ACAN: variants seen among roughly 807,000 people sequenced by gnomAD.
The protein encoded by ACAN is aggrecan core protein.
A neutral mutation model predicts 169.1 loss-of-function variants in ACAN; 47 were observed. That is an observed-to-expected ratio of 0.28 (90% CI 0.22 to 0.35). The LOEUF (loss-of-function observed/expected upper bound fraction) is 0.35, where lower values mean the gene tolerates loss of function less well. ACAN is among the 10% of genes least tolerant of loss of function. The pLI is 1.00. For missense variants in ACAN, 2,716 were observed against 2,759.9 expected (o/e 0.98, Z 0.36); for synonymous variants, 1,115 against 1,112.2 (o/e 1.00, Z -0.05).
Position 88,857,943 on chromosome 15 carries a change from T to A in ACAN, c.5358T>A (p.Ser1786Arg). The A allele has an allele frequency of 6.2e-7, 1 of 1,613,636 alleles. No individual in the cohort carries two copies. The highest frequency in any genetic ancestry group is 8.5e-7 in the Non-Finnish European group (1 of 1,179,846). ...AACCCTTTGGCATAACTGATCTGAG[T>A]GGAGAAACATCTGGGGTCCCTGATC... ...TSQPFGITDL[S>R]GETSGVPDLS... The change falls in exon 12 of 19, where the codon AGT becomes AGA. Residue 1786 changes from serine (S) to arginine (R), a missense_variant. Physicochemically the swap from Ser to Arg is moderately radical, Grantham distance 110. This residue lies in a region of ACAN where 1,389 missense variants were observed against 1,363.7 expected (regional missense o/e 1.02). Coordinates refer to ENST00000560601, the MANE Select transcript of ACAN (RefSeq NM_001369268.1).
Position 88,838,295 on chromosome 15 carries a change from C to T in ACAN, c.71-368C>T, listed in dbSNP as rs765961892. On this transcript the variant is annotated intron_variant, in intron 2 of 18. Coordinates refer to ENST00000560601, the MANE Select transcript of ACAN (RefSeq NM_001369268.1). This position sits in a 1 kb window ranked among gnomAD's most constrained non-coding sequence, Gnocchi z 5.1. The stretch of plus-strand genomic sequence containing the variant: ...CCAAAATCTTTGAGTTAAGCTGTCA[C>T]TCCAAGGAGATGGGTCCTGTTTTAT... Among the ~76,000 whole-genome samples the T allele has an allele frequency of 1.3e-5, 2 of 152,226 alleles. No individual in the cohort carries two copies. Among genetic ancestry groups the T allele is most frequent in the Non-Finnish European group, 2.9e-5 (2 of 68,038 alleles).
intron 1 of ACAN, among the ~76,000 whole-genome samples, chr15:88,829,266 T>A (rs1200189789): frequency 6.6e-6 from 1 of 152,166 alleles, no homozygotes; most frequent in African/African-American, 2.4e-5. Context: ...AAAATTACCT[T>A]CACAATTTCC....
At position 88,855,350 on chromosome 15, in the gene ACAN, A is replaced by T; in HGVS notation, c.2765A>T (p.Asp922Val). 1 of 1,612,668 alleles carries T rather than the reference A, an allele frequency of 6.2e-7. No homozygotes were observed. The highest frequency in any genetic ancestry group is 8.5e-7 in the Non-Finnish European group (1 of 1,179,066). Residue 922 changes from aspartate (D) to valine (V), a missense_variant, in exon 12 of 19, where the codon GAT becomes GTT. Coordinates refer to ENST00000560601, the MANE Select transcript of ACAN (RefSeq NM_001369268.1). ...LPVESGLPSG[D>V]EERIEWPSTP... ...GTGGAAAGTGGACTACCCTCAGGGG[A>T]TGAAGAGAGAATTGAGTGGCCCAGC... is the stretch of plus-strand genomic sequence containing the variant.
chr15:88,874,351 GC>G lies in ACAN; in HGVS notation c.7631-50del, dbSNP rs1897460049. The G allele has an allele frequency of 6.7e-7, 1 of 1,487,064 alleles. No individual in the cohort carries two copies. The highest frequency in any genetic ancestry group is 2.4e-5 in the East Asian group (1 of 40,946). The allele number at this position is 1,487,064 out of a possible 1,614,324, so 92.1% of individuals were successfully genotyped here. On this transcript the variant is annotated intron_variant, in intron 18 of 18. Transcript: ENST00000560601. This position sits in a 1 kb window ranked among gnomAD's most constrained non-coding sequence, Gnocchi z 7.3. ...GGTAGTCTGGGGAGAGCCTGGGCTC[GC>G]CCCACTTTCTTTCCAGGTCCACTGA...
rs1413999279 is a variant in ACAN, at chr15:88,851,368, G to C, written c.2027-426G>C. 1.2e-5 allele frequency: 2 copies of C among 161,876 alleles called. No homozygotes were observed. The highest frequency in any genetic ancestry group is 2.7e-5 in the Non-Finnish European group (2 of 74,310). The allele number at this position is 161,876 out of a possible 1,614,324, so 10.0% of individuals were successfully genotyped here. The stretch of plus-strand genomic sequence containing the variant: ...TCAGTAGTTGAGAGCGTGGAGTCTG[G>C]TACCAGATGCTTAAATTCAAAGACT... On this transcript the variant is annotated intron_variant, in intron 10 of 18. Transcript: ENST00000560601. This position sits in a 1 kb window ranked among gnomAD's most constrained non-coding sequence, Gnocchi z 4.3.
rs556988369 is a variant in ACAN at position 88,874,073 on chromosome 15, A to C, written c.7630+49A>C. 6.3e-7 allele frequency: 1 copy of C among 1,597,394 alleles called. No homozygotes were observed. Among genetic ancestry groups the C allele is most frequent in the African/African-American group, 1.3e-5 (1 of 74,872 alleles). ...GCTGAGCACAGGGTTAGATTCTGCC[A>C]GCACAGCCTTCCCCCCGTCCCCTCT... On this transcript the variant is annotated intron_variant, in intron 18 of 18. Transcript: ENST00000560601. This position sits in a 1 kb window ranked among gnomAD's most constrained non-coding sequence, Gnocchi z 7.3.
intron 13 of ACAN, among the ~76,000 whole-genome samples, chr15:88,864,689 A>G (rs542027360): frequency 6.6e-6 from 1 of 152,348 alleles, no homozygotes. Flanking sequence ...AGGTCTGTTC[A>G]TCTTCATTGA....
intron 1 of ACAN, 117 bp downstream of exon 1, chr15:88,803,926 G>A (rs1895606835): frequency 6.6e-6 from 1 of 152,306 alleles, no homozygotes; most frequent in Admixed American, 6.5e-5. Context: ...CTCCGCCCTA[G>A]AGCTATGTGT....
chr15:88,806,352 A>AT lies in ACAN; in HGVS notation c.-8+2559dup, dbSNP rs34058187. On this transcript the variant is annotated intron_variant, in intron 1 of 18. Transcript: ENST00000560601. Reference sequence around the variant, plus strand: ...CTGTGTGTCCTAACTTTTGGTGTGAATTTTTTTTTTTTTTTTAAGATGGGA... The same window carrying AT: ...CTGTGTGTCCTAACTTTTGGTGTGAATTTTTTTTTTTTTTTTTAAGATGGGA... 4.7e-4 allele frequency among the ~76,000 whole-genome samples: 69 copies of AT among 147,102 alleles called. 1 individual carries two copies. In the Middle Eastern group the frequency reaches 0.017, roughly 37 times the overall value.
In ACAN at chr15:88,858,512, G is replaced by A. The variant is rs1382814393; in HGVS notation, c.5927G>A (p.Gly1976Glu). 2 of 1,613,800 alleles carry A rather than the reference G, an allele frequency of 1.2e-6. No individual in the cohort carries two copies. Among genetic ancestry groups the A allele is most frequent in the South Asian group, 1.1e-5 (1 of 91,076 alleles). The change falls in exon 12 of 19, where the codon GGG (glycine) becomes GAG (glutamate). Residue 1976 changes from glycine to glutamate, a missense_variant. This residue lies in a region of ACAN where 1,389 missense variants were observed against 1,363.7 expected (regional missense o/e 1.02). Transcript: ENST00000560601. This position sits in a 1 kb window ranked among gnomAD's most constrained non-coding sequence, Gnocchi z 4.0. ...GAHSGAPDMS[G>E]EHSGFLDLSG... ...CATTCTGGAGCACCAGACATGTCTGGGGAGCATTCTGGATTTCTGGACCTA... is the reference window on the plus strand; with the variant it reads ...CATTCTGGAGCACCAGACATGTCTGAGGAGCATTCTGGATTTCTGGACCTA...
chr15:88,858,969 T>G lies in ACAN; in HGVS notation c.6384T>G (p.Asp2128Glu). Residue 2128 changes from aspartate (D) to glutamate (E), a missense_variant, in exon 12 of 19, where the codon GAT becomes GAG. This residue lies in a region of ACAN where 1,389 missense variants were observed against 1,363.7 expected (regional missense o/e 1.02). Coordinates refer to ENST00000560601, the MANE Select transcript of ACAN (RefSeq NM_001369268.1). The surrounding 1 kb of genome is among the most constrained non-coding windows in gnomAD (Gnocchi z 4.0). ...GCAGAGAAGATTCTGGGTCCCCTGA[T>G]CTGAGTGAAACCACCTCTGCATTCC... ...EASREDSGSP[D>E]LSETTSAFHE... 1 of 1,613,568 alleles carries G rather than the reference T, an allele frequency of 6.2e-7. No homozygotes were observed. The highest frequency in any genetic ancestry group is 1.1e-5 in the South Asian group (1 of 91,068).
Position 88,849,334 on chromosome 15 carries a change from T to G in ACAN, c.1733-104T>G. Reference sequence around the variant, plus strand: ...GGGGTGATGGAGCTGGGCTGGGTCTTAGCCCTGGTGAGGAGGGTTAGAGGA... The same window carrying G: ...GGGGTGATGGAGCTGGGCTGGGTCTGAGCCCTGGTGAGGAGGGTTAGAGGA... On this transcript the variant is annotated intron_variant, in intron 9 of 18. Transcript: ENST00000560601. This position sits in a 1 kb window ranked among gnomAD's most constrained non-coding sequence, Gnocchi z 5.1. 3.3e-6 allele frequency: 4 copies of G among 1,204,196 alleles called. No homozygotes were observed. Among genetic ancestry groups the G allele is most frequent in the South Asian group, 3.2e-5 (2 of 61,678 alleles). 74.6% of individuals were successfully genotyped at this position (1,204,196 alleles called of 1,614,324 possible).
At position 88,868,123 on chromosome 15, in the gene ACAN, G is replaced by T; in HGVS notation, c.6947-93G>T. On this transcript the variant is annotated intron_variant, in intron 13 of 18. Transcript: ENST00000560601. This position sits in a 1 kb window ranked among gnomAD's most constrained non-coding sequence, Gnocchi z 5.2. ...CAGTTCCCTCCCAGGGGTCTGGAGAGCAGCAGGACTGGCCACTCAAAAGGA... is the reference window on the plus strand; with the variant it reads ...CAGTTCCCTCCCAGGGGTCTGGAGATCAGCAGGACTGGCCACTCAAAAGGA... The T allele has an allele frequency of 3.1e-6, 2 of 639,778 alleles. No homozygotes were observed. 39.6% of individuals were successfully genotyped at this position (639,778 alleles called of 1,614,324 possible). A position where few individuals can be genotyped will look rare whatever the true frequency, so the allele number is the denominator to read the frequency against.
chr15:88,860,260 T>C (rs1433946648), intron 12 of ACAN, 66 bp from the exon 13 acceptor site: 33 of 1,205,848 alleles, frequency 2.7e-5, no homozygotes, highest in Non-Finnish European at 3.9e-5. Context: ...AACTTTGAGG[T>C]CTTGGAGGCC....
At position 88,858,189 on chromosome 15, in the gene ACAN, A is replaced by T; in HGVS notation, c.5604A>T (p.Lys1868Asn). 1 of 1,613,874 alleles carries T rather than the reference A, an allele frequency of 6.2e-7. No homozygotes were observed. Among genetic ancestry groups the T allele is most frequent in the African/African-American group, 1.3e-5 (1 of 75,004 alleles). ...LPSGEADLSGKSGMVDVSGQF... is the reference protein window; with the variant it reads ...LPSGEADLSGNSGMVDVSGQF... The stretch of plus-strand genomic sequence containing the variant: ...CCGGAGAGGCAGATCTGTCAGGCAA[A>T]TCTGGGATGGTGGATGTCAGTGGAC... Residue 1868 changes from lysine to asparagine, a missense_variant, in exon 12 of 19, where the codon AAA (lysine) becomes AAT (asparagine). Physicochemically the swap from Lys to Asn is moderately conservative, Grantham distance 94. Around this residue, in one of 3 missense-constraint regions of ACAN, gnomAD observed 1,389 missense variants for 1,363.7 expected, o/e 1.02. Coordinates refer to ENST00000560601, the MANE Select transcript of ACAN (RefSeq NM_001369268.1). This position sits in a 1 kb window ranked among gnomAD's most constrained non-coding sequence, Gnocchi z 4.0.
rs1272809635 is a variant in ACAN at position 88,869,797 on chromosome 15, C to A, written c.7060+1468C>A. Among the ~76,000 whole-genome samples the A allele has an allele frequency of 6.6e-6, 1 of 152,168 alleles. No individual in the cohort carries two copies. The highest frequency in any genetic ancestry group is 1.5e-5 in the Non-Finnish European group (1 of 68,014). On this transcript the variant is annotated intron_variant, in intron 14 of 18. Coordinates refer to ENST00000560601, the MANE Select transcript of ACAN (RefSeq NM_001369268.1). This position sits in a 1 kb window ranked among gnomAD's most constrained non-coding sequence, Gnocchi z 4.2. Reference sequence around the variant, plus strand: ...CTCCCATTCCAATCCTGAGTCCTCACCACTCCACGGTGCCTCCTGCCTTGG... The same window carrying A: ...CTCCCATTCCAATCCTGAGTCCTCAACACTCCACGGTGCCTCCTGCCTTGG...
chr15:88,841,700 G>A (rs1256889882), intron 4 of ACAN, 40 bp from the exon 5 acceptor site: 1 of 1,612,498 alleles, frequency 6.2e-7, no homozygotes, highest in Non-Finnish European at 8.5e-7. Context: ...GCTTCCCTTT[G>A]TCCCCTGAGT....
At position 88,858,974 on chromosome 15, in the gene ACAN, G is replaced by A. The variant is rs983617222; in HGVS notation, c.6389G>A (p.Ser2130Asn). The A allele has an allele frequency of 1.9e-6, 3 of 1,613,776 alleles. No individual in the cohort carries two copies. In the African/African-American group the frequency reaches 4.0e-5, roughly 22 times the overall value. ...GAAGATTCTGGGTCCCCTGATCTGAGTGAAACCACCTCTGCATTCCACGAA... is the reference window on the plus strand; with the variant it reads ...GAAGATTCTGGGTCCCCTGATCTGAATGAAACCACCTCTGCATTCCACGAA... The part of the protein sequence containing the change: ...SREDSGSPDL[S>N]ETTSAFHEAN... The change falls in exon 12 of 19, where the codon AGT becomes AAT. Residue 2130 changes from serine to asparagine, a missense_variant. Physicochemically the swap from Ser to Asn is conservative, Grantham distance 46 (BLOSUM62 1). Around this residue, in one of 3 missense-constraint regions of ACAN, gnomAD observed 1,389 missense variants for 1,363.7 expected, o/e 1.02. Coordinates refer to ENST00000560601, the MANE Select transcript of ACAN (RefSeq NM_001369268.1). This position sits in a 1 kb window ranked among gnomAD's most constrained non-coding sequence, Gnocchi z 4.0.
In ACAN at chr15:88,873,413, C is replaced by T. The variant is rs1452589520; in HGVS notation, c.7447+388C>T. Among the ~76,000 whole-genome samples, 4 of 152,216 alleles carry T rather than the reference C, an allele frequency of 2.6e-5. No homozygotes were observed. The highest frequency in any genetic ancestry group is 5.9e-5 in the Non-Finnish European group (4 of 68,042). ...CCATCAATCACAGAGTCATAGTTGT[C>T]AGGCCTCGATCCTTTGGCTTTCAGT... On this transcript the variant is annotated intron_variant, in intron 17 of 18. Coordinates refer to ENST00000560601, the MANE Select transcript of ACAN (RefSeq NM_001369268.1). This position sits in a 1 kb window ranked among gnomAD's most constrained non-coding sequence, Gnocchi z 7.5.
Sources: gnomAD v4.1 joint callset for allele counts (sites outside exome capture counted in the v4.1 genomes callset) on GRCh38, gnomAD v4.1.1 for gene constraint, gnomAD v4.1.1 regional missense constraint, Gnocchi (gnomAD v3.1) non-coding constraint, MANE v1.5 for transcripts, NCBI Gene and HGNC (gene_info 2026-07-23, HGNC 2026-07-21) for gene names.